MTA3: variants seen among roughly 807,000 people sequenced by gnomAD.
MTA3 encodes metastasis associated 1 family member 3.
Under a neutral mutation model 83.5 loss-of-function variants are expected in MTA3, and 34 were observed. The observed-to-expected ratio is 0.41, with a 90% CI of 0.31 to 0.54. The LOEUF is 0.54. Ranked by LOEUF, MTA3 falls within the 20% of genes least tolerant of loss-of-function variation. The probability of loss-of-function intolerance (pLI) is 0.33; values close to 1 mark genes in which losing one functional copy is unlikely to be tolerated. For synonymous variants in MTA3, 303 were observed against 252.7 expected (o/e 1.20, Z -1.89); for missense variants, 761 against 726.4 (o/e 1.05, Z -0.55).
At chr2:42,636,709 C>T (rs1377710579) in intron 4 of MTA3, among the ~76,000 whole-genome samples, 4 of 150,618 alleles carry the variant, frequency 2.7e-5, no homozygotes, top group African/African-American at 9.8e-5. Context: ...TCACTGCAAC[C>T]TCCGGCTCCC....
chr2:42,647,944 T>C (rs892611172), intron 6 of MTA3, among the ~76,000 whole-genome samples: 5 of 152,058 alleles, frequency 3.3e-5, no homozygotes, highest in Admixed American at 1.3e-4. Flanking sequence ...GTTCAAGCAA[T>C]TTTCTCCTGC....
intron 8 of MTA3, among the ~76,000 whole-genome samples, chr2:42,670,970 T>C (rs965420448): frequency 6.6e-6 from 1 of 152,164 alleles, no homozygotes; most frequent in Middle Eastern, 3.4e-3. Flanking sequence ...CCAGTAATGT[T>C]CTTTATGGCA....
chr2:42,713,249 A>T (rs1006717670), intron 14 of MTA3, among the ~76,000 whole-genome samples: 2 of 152,074 alleles, frequency 1.3e-5, no homozygotes, highest in African/African-American at 4.8e-5. Flanking sequence ...ACCTGAAGCT[A>T]TTTTTCTGTT....
chr2:42,570,808 C>T (rs962362876), intron 2 of MTA3, among the ~76,000 whole-genome samples: 60 of 151,490 alleles, frequency 4.0e-4, no homozygotes, highest in Non-Finnish European at 2.4e-4. Flanking sequence ...GTCGGGAGTT[C>T]GAGACCAGCC....
At chr2:42,588,344 C>T (rs551195050) in intron 3 of MTA3, among the ~76,000 whole-genome samples, 3 of 152,290 alleles carry the variant, frequency 2.0e-5, no homozygotes, top group Admixed American at 1.3e-4. Flanking sequence ...GTGTACTGGA[C>T]ATTCTACTAA....
In MTA3 at chr2:42,666,209, G is replaced by A. The variant is rs199822140; in HGVS notation, c.702+6347G>A. On this transcript the variant is annotated intron_variant, in intron 8 of 16. Transcript: ENST00000405094. ...GGAGAATCACTTGAACCCGGGAGGC[G>A]GAGGTTGCAGTGAGCCGAGATCGTG... Among the ~76,000 whole-genome samples the A allele has an allele frequency of 1.3e-3, 205 of 152,222 alleles. 2 individuals are homozygous for A. The East Asian group carries it at 0.024, about 18-fold the overall frequency.
intron 2 of MTA3, among the ~76,000 whole-genome samples, chr2:42,539,153 C>T (rs980103133): frequency 6.6e-6 from 1 of 152,044 alleles, no homozygotes; most frequent in African/African-American, 2.4e-5. Flanking sequence ...TAGGTTAGTT[C>T]CTTAGTTTGT....
At chr2:42,562,258 A>C (rs559032319) in intron 2 of MTA3, among the ~76,000 whole-genome samples, 5 of 152,174 alleles carry the variant, frequency 3.3e-5, no homozygotes, top group African/African-American at 9.6e-5. Flanking sequence ...TTTCCAAATA[A>C]GGTCATATTC....
chr2:42,617,692 C>G (rs986094397), intron 4 of MTA3, among the ~76,000 whole-genome samples: 4 of 151,912 alleles, frequency 2.6e-5, no homozygotes, highest in Admixed American at 6.6e-5. Flanking sequence ...AGGAGAATCA[C>G]TTGAACCCGG....
At chr2:42,595,869 A>G (rs986838736) in intron 3 of MTA3, among the ~76,000 whole-genome samples, 1 of 152,200 alleles carries the variant, frequency 6.6e-6, no homozygotes, top group Non-Finnish European at 1.5e-5. Flanking sequence ...ATGCTTTTAC[A>G]TGTAAGTCCA....
intron 15 of MTA3, 41 bp downstream of exon 15, chr2:42,719,115 T>G: frequency 7.1e-7 from 1 of 1,404,354 alleles, no homozygotes; most frequent in Non-Finnish European, 9.9e-7. Context: ...AAGAGCAATT[T>G]CTGAATAGTA....
At chr2:42,656,534 A>C (rs1689186003) in intron 7 of MTA3, among the ~76,000 whole-genome samples, 1 of 152,224 alleles carries the variant, frequency 6.6e-6, no homozygotes, top group Non-Finnish European at 1.5e-5. Flanking sequence ...AAAAGTATAA[A>C]GAAGAAATTC....
chr2:42,532,194 C>G (rs768113429), intron 2 of MTA3, among the ~76,000 whole-genome samples: 3 of 152,206 alleles, frequency 2.0e-5, no homozygotes, highest in African/African-American at 7.2e-5. Context: ...TATCTTCAAA[C>G]AAGTACAAAT....
rs1226704033 is a variant in MTA3, at chr2:42,756,805, A to G, written c.*3406A>G. ...TTTTCCCTGCCAGGGAAGCTAACCCAGAGCACGCACCTGTGCTCATGAGTG... is the reference window on the plus strand; with the variant it reads ...TTTTCCCTGCCAGGGAAGCTAACCCGGAGCACGCACCTGTGCTCATGAGTG... On this transcript the variant is annotated 3_prime_UTR_variant, in exon 17 of 17. Transcript: ENST00000405094. 3 of 985,290 alleles carry G rather than the reference A, an allele frequency of 3.0e-6. No homozygotes were observed. The African/African-American group carries it at 5.2e-5, about 17-fold the overall frequency. The allele number at this position is 985,290 out of a possible 1,614,324, so 61.0% of individuals were successfully genotyped here.
chr2:42,505,760 C>A (rs1238810894), intron 2 of MTA3, among the ~76,000 whole-genome samples: 3 of 145,682 alleles, frequency 2.1e-5, no homozygotes, highest in African/African-American at 7.8e-5. Context: ...AGATGGGCCA[C>A]AAATTGATAA....
At chr2:42,684,288 A>T (rs1692187120) in intron 9 of MTA3, among the ~76,000 whole-genome samples, 1 of 152,142 alleles carries the variant, frequency 6.6e-6, no homozygotes, top group Non-Finnish European at 1.5e-5. Flanking sequence ...TACGTATTTG[A>T]TGTGAGCCAA....
intron 8 of MTA3, among the ~76,000 whole-genome samples, chr2:42,660,269 G>T (rs1200848731): frequency 6.6e-6 from 1 of 151,512 alleles, no homozygotes; most frequent in Non-Finnish European, 1.5e-5. Flanking sequence ...TTGTATTTTT[G>T]GTAGAGACGG....
intron 16 of MTA3, among the ~76,000 whole-genome samples, chr2:42,732,211 G>T (rs1668279654): frequency 6.6e-6 from 1 of 152,178 alleles, no homozygotes; most frequent in Admixed American, 6.5e-5. Context: ...TCTCCATGAG[G>T]GCCCTGCCCC....
intron 6 of MTA3, among the ~76,000 whole-genome samples, chr2:42,645,323 G>C (rs1357575777): frequency 6.6e-6 from 1 of 151,946 alleles, no homozygotes; most frequent in Non-Finnish European, 1.5e-5. Flanking sequence ...CCAGGAGTTC[G>C]AGACCAGCCT....
Sources: allele counts gnomAD v4.1 joint callset (sites outside exome capture counted in the v4.1 genomes callset), GRCh38; gene constraint gnomAD v4.1.1; transcripts MANE v1.5; gene names NCBI Gene and HGNC (gene_info 2026-07-23, HGNC 2026-07-21).